GPR39: variants seen among roughly 807,000 people sequenced by gnomAD.
GPR39 encodes G protein-coupled receptor 39.
Under a neutral mutation model 18.4 loss-of-function variants are expected in GPR39, and 23 were observed. That is an observed-to-expected ratio of 1.25 (90% CI 0.90 to 1.77). The LOEUF is 1.77. Among genes scored for constraint, GPR39 ranks in the 40% most tolerant of loss-of-function variants. GPR39 has a pLI of 0.00. For synonymous variants in GPR39, 280 were observed against 257.9 expected, an observed-to-expected ratio of 1.09 and a Z score of -0.82; for missense variants, 647 against 602.4, an observed-to-expected ratio of 1.07 and a Z score of -0.78.
chr2:132,513,984 C>A (rs1679285459), intron 1 of GPR39, among the ~76,000 whole-genome samples: 1 of 152,208 alleles, frequency 6.6e-6, no homozygotes, highest in Non-Finnish European at 1.5e-5. Context: ...GTTTGAGTAG[C>A]TTCTTTTGGA....
chr2:132,641,277 C>A (rs1681852189), intron 1 of GPR39, among the ~76,000 whole-genome samples: 1 of 152,180 alleles, frequency 6.6e-6, no homozygotes. Flanking sequence ...CTGGCTAACC[C>A]TGTTCCTCGC....
chr2:132,493,341 A>G (rs1184081442), intron 1 of GPR39, among the ~76,000 whole-genome samples: 1 of 144,890 alleles, frequency 6.9e-6, no homozygotes, highest in Non-Finnish European at 1.5e-5. Flanking sequence ...TATATACCAT[A>G]TATATACACA....
intron 1 of GPR39, among the ~76,000 whole-genome samples, chr2:132,476,906 T>A (rs938226730): frequency 1.3e-5 from 2 of 152,114 alleles, no homozygotes; most frequent in African/African-American, 2.4e-5. Context: ...GGCACTCCTC[T>A]GTGTAGACAC....
intron 1 of GPR39, among the ~76,000 whole-genome samples, chr2:132,561,362 G>T (rs929458267): frequency 6.6e-6 from 1 of 152,076 alleles, no homozygotes; most frequent in Non-Finnish European, 1.5e-5. Flanking sequence ...TCCTCTCCCA[G>T]CCTCACCTGC....
At chr2:132,517,221 A>G (rs1052041834) in intron 1 of GPR39, among the ~76,000 whole-genome samples, 13 of 152,130 alleles carry the variant, frequency 8.5e-5, no homozygotes, top group African/African-American at 3.1e-4. Context: ...AGAATATTTT[A>G]TATATTTACA....
At chr2:132,592,193 A>G (rs1680857948) in intron 1 of GPR39, among the ~76,000 whole-genome samples, 1 of 152,220 alleles carries the variant, frequency 6.6e-6, no homozygotes, top group Non-Finnish European at 1.5e-5. Flanking sequence ...CGTATGTAGC[A>G]TCCCAAATGG....
intron 1 of GPR39, among the ~76,000 whole-genome samples, chr2:132,590,456 C>A (rs369227652): frequency 6.6e-6 from 1 of 152,042 alleles, no homozygotes; most frequent in Non-Finnish European, 1.5e-5. Flanking sequence ...TAGACAAGCA[C>A]TCAGCCCCTG....
intron 1 of GPR39, among the ~76,000 whole-genome samples, chr2:132,494,941 T>C (rs1240064236): frequency 1.3e-5 from 2 of 151,720 alleles, no homozygotes; most frequent in African/African-American, 4.8e-5. Flanking sequence ...ACAAAAGAAA[T>C]GAAAAAGGGA....
intron 1 of GPR39, among the ~76,000 whole-genome samples, chr2:132,425,047 A>G (rs1297620218): frequency 1.3e-5 from 2 of 152,154 alleles, no homozygotes; most frequent in East Asian, 3.9e-4. Flanking sequence ...AGTAGCTCTC[A>G]CCTGTCATCT....
At chr2:132,427,888 T>A (rs1041606794) in intron 1 of GPR39, among the ~76,000 whole-genome samples, 5 of 142,702 alleles carry the variant, frequency 3.5e-5, no homozygotes, top group Non-Finnish European at 6.1e-5. Context: ...TATATATATA[T>A]AATATATATA....
chr2:132,520,712 G>A (rs1679410195), intron 1 of GPR39, among the ~76,000 whole-genome samples: 2 of 152,254 alleles, frequency 1.3e-5, no homozygotes, highest in African/African-American at 4.8e-5. Flanking sequence ...GGAGTGGGTA[G>A]AGGGAGGATG....
At chr2:132,511,861 C>A (rs1360492049) in intron 1 of GPR39, among the ~76,000 whole-genome samples, 1 of 147,340 alleles carries the variant, frequency 6.8e-6, no homozygotes, top group Non-Finnish European at 1.5e-5. Flanking sequence ...AAAGTCCAAG[C>A]AAAGTGATGA....
intron 1 of GPR39, among the ~76,000 whole-genome samples, chr2:132,470,348 A>G (rs1167445481): frequency 2.6e-5 from 4 of 152,126 alleles, no homozygotes; most frequent in Non-Finnish European, 5.9e-5. Flanking sequence ...ATGAGGTGAC[A>G]TTGCAACAAG....
chr2:132,645,446 C>T lies in GPR39; in HGVS notation c.1202C>T (p.Ser401Phe). ...CTCTTCGCGTCCCGGCGCCAGTCCTCTGCAAGGAGAACTGAGAAGATTTTC... is the reference window on the plus strand; with the variant it reads ...CTCTTCGCGTCCCGGCGCCAGTCCTTTGCAAGGAGAACTGAGAAGATTTTC... Reference protein sequence around the residue: ...PLLFASRRQSSARRTEKIFLS... With the variant: ...PLLFASRRQSFARRTEKIFLS... Residue 401 changes from serine (S) to phenylalanine (F), a missense_variant, in exon 2 of 2, where the codon TCT (serine) becomes TTT (phenylalanine). By Grantham distance (155) the Ser-to-Phe change is radical (BLOSUM62 -2). This residue lies in a region of GPR39 where 581 missense variants were observed against 506.8 expected (regional missense o/e 1.15). Coordinates refer to ENST00000329321, the MANE Select transcript of GPR39 (RefSeq NM_001508.3). The T allele has an allele frequency of 1.2e-6, 2 of 1,613,798 alleles. No individual in the cohort carries two copies. The highest frequency in any genetic ancestry group is 8.5e-7 in the Non-Finnish European group (1 of 1,180,036).
Position 132,645,389 on chromosome 2 carries a change from C to G in GPR39, c.1145C>G (p.Thr382Ser). ...KRLRVHAHST[T>S]DSARFVQRPL... The stretch of plus-strand genomic sequence containing the variant: ...CTGCGCGTACATGCGCACTCCACCA[C>G]CGACAGCGCCCGCTTTGTGCAGCGC... The change falls in exon 2 of 2, where the codon ACC (threonine) becomes AGC (serine). Residue 382 changes from threonine to serine, a missense_variant. Thr to Ser is a moderately conservative substitution (Grantham distance 58). Transcript: ENST00000329321. The G allele has an allele frequency of 1.9e-6, 3 of 1,613,750 alleles. No homozygotes were observed. The highest frequency in any genetic ancestry group is 2.5e-6 in the Non-Finnish European group (3 of 1,180,020).
At chr2:132,554,915 C>A (rs983206671) in intron 1 of GPR39, among the ~76,000 whole-genome samples, 1 of 151,932 alleles carries the variant, frequency 6.6e-6, no homozygotes, top group Non-Finnish European at 1.5e-5. Flanking sequence ...CCGTTCAAAC[C>A]CCACACATGG....
chr2:132,639,383 A>G (rs1394603528), intron 1 of GPR39, among the ~76,000 whole-genome samples: 1 of 152,164 alleles, frequency 6.6e-6, no homozygotes, highest in Non-Finnish European at 1.5e-5. Context: ...GACAGAGCAG[A>G]CATAATAATC....
intron 1 of GPR39, among the ~76,000 whole-genome samples, chr2:132,545,992 C>T (rs1447372646): frequency 6.6e-6 from 1 of 152,222 alleles, no homozygotes; most frequent in Non-Finnish European, 1.5e-5. Context: ...GTTTCACATT[C>T]AGTCTAGACC....
At chr2:132,518,529 C>T (rs536396913) in intron 1 of GPR39, among the ~76,000 whole-genome samples, 2 of 152,314 alleles carry the variant, frequency 1.3e-5, no homozygotes, top group East Asian at 3.9e-4. Context: ...GGCTCTGTGA[C>T]AGCTCCGTTC....
Sources: gnomAD v4.1 joint callset for allele counts (sites outside exome capture counted in the v4.1 genomes callset) on GRCh38, gnomAD v4.1.1 for gene constraint, gnomAD v4.1.1 regional missense constraint, MANE v1.5 for transcripts, NCBI Gene and HGNC (gene_info 2026-07-23, HGNC 2026-07-21) for gene names.